Variants in RELN observed in about 807,000 individuals in gnomAD.
The protein encoded by RELN is reelin.
RELN carries 108 observed loss-of-function variants against 427.6 expected under a neutral mutation model. The ratio of observed to expected loss-of-function variants is 0.25; its 90% confidence interval spans 0.22 to 0.30. RELN has a LOEUF of 0.30. RELN is among the 10% of genes least tolerant of loss of function. The pLI is 1.00. For synonymous variants in RELN, 1,524 were observed against 1,513.4 expected, an observed-to-expected ratio of 1.01 and a Z score of -0.16; for missense variants, 3,715 against 4,302.8, an observed-to-expected ratio of 0.86 and a Z score of 3.82.
Position 103,483,682 on chromosome 7 carries a change from T to A in RELN, c.10152A>T (p.Gln3384His), listed in dbSNP as rs763193763. 1 of 1,614,072 alleles carries A rather than the reference T, an allele frequency of 6.2e-7. No individual in the cohort carries two copies. The highest frequency in any genetic ancestry group is 1.3e-5 in the African/African-American group (1 of 74,924). The change falls in exon 62 of 65, where the codon CAA (glutamine) becomes CAT (histidine). Residue 3384 changes from glutamine (Q) to histidine (H), a missense_variant. By Grantham distance (24) the Gln-to-His change is conservative (BLOSUM62 0). This residue lies in a region of RELN where 195 missense variants were observed against 281.3 expected (regional missense o/e 0.69). Transcript: ENST00000428762. The stretch of plus-strand genomic sequence containing the variant: ...GGACATTGTAAGACACTCTCTGAGC[T>A]TGTGTGAAGTCCTTTGGCTGGTGCT... ...IAQHQPKDFT[Q>H]AQRVSYNVPL... is the part of the protein sequence containing the mutation.
chr7:103,900,738 G>A (rs1220403951), intron 2 of RELN, among the ~76,000 whole-genome samples: 1 of 152,054 alleles, frequency 6.6e-6, no homozygotes, highest in African/African-American at 2.4e-5. Flanking sequence ...ACAAGCAATG[G>A]GGAAAATATT....
chr7:103,575,833 C>T, intron 28 of RELN, 128 bp from the exon 29 acceptor site: 1 of 1,015,772 alleles, frequency 9.8e-7, no homozygotes, highest in Non-Finnish European at 1.5e-6. Flanking sequence ...TGCTTGACTG[C>T]ACTTAACCTT....
intron 11 of RELN, among the ~76,000 whole-genome samples, chr7:103,665,458 A>G (rs541765188): frequency 6.6e-6 from 1 of 151,856 alleles, no homozygotes; most frequent in East Asian, 1.9e-4. Flanking sequence ...CTTCTTCACA[A>G]TTGTCTTGGC....
At chr7:103,796,435 T>C (rs1036646517) in intron 3 of RELN, among the ~76,000 whole-genome samples, 8 of 152,228 alleles carry the variant, frequency 5.3e-5, no homozygotes, top group African/African-American at 1.9e-4. Flanking sequence ...CAATTTTAAT[T>C]TGTGGTTTGG....
At chr7:103,551,361 A>C in intron 40 of RELN, 65 bp from the exon 41 acceptor site, 5 of 1,121,980 alleles carry the variant, frequency 4.5e-6, no homozygotes, top group Non-Finnish European at 5.3e-6. Flanking sequence ...ATGATTCACC[A>C]CTTCATTATT....
chr7:103,490,908 ATCGGG>A, intron 58 of RELN, 79 bp from the exon 59 acceptor site: 1 of 1,408,700 alleles, frequency 7.1e-7, no homozygotes, highest in East Asian at 2.3e-5. Flanking sequence ...ATGCTTTGTG[ATCGGG>A]TTAAATTAAA....
At chr7:103,905,759 T>C (rs1186694741) in intron 2 of RELN, among the ~76,000 whole-genome samples, 1 of 138,694 alleles carries the variant, frequency 7.2e-6, no homozygotes, top group Non-Finnish European at 1.6e-5. Flanking sequence ...TCGAAGAGAC[T>C]TAAAGGTTTT....
At chr7:103,987,566 C>T in intron 1 of RELN, among the ~76,000 whole-genome samples, 1 of 152,176 alleles carries the variant, frequency 6.6e-6, no homozygotes, top group East Asian at 1.9e-4. Context: ...AGACCAGCCT[C>T]ACTCACTTAC....
In RELN at chr7:103,746,053, T is replaced by C. The variant is rs1045416098; in HGVS notation, c.656+3373A>G. Among the ~76,000 whole-genome samples the C allele has an allele frequency of 1.4e-3, 215 of 152,206 alleles. 2 individuals are homozygous for C. Among genetic ancestry groups the C allele is most frequent in the African/African-American group, 4.9e-3 (205 of 41,492 alleles). On this transcript the variant is annotated intron_variant, in intron 6 of 64. Transcript: ENST00000428762. ...TACAGTAACCAAAACAGCATGGTAC[T>C]GGTACCAAAACAGAGATATAGACCA...
At chr7:103,919,450 T>TCCC (rs1795565004) in intron 1 of RELN, among the ~76,000 whole-genome samples, 1 of 152,106 alleles carries the variant, frequency 6.6e-6, no homozygotes, top group Non-Finnish European at 1.5e-5. Flanking sequence ...CTTCTCTCCA[T>TCCC]CCCCTTTCTT....
chr7:103,857,533 C>T (rs1396008145), intron 2 of RELN, among the ~76,000 whole-genome samples: 2 of 152,170 alleles, frequency 1.3e-5, no homozygotes, highest in African/African-American at 2.4e-5. Flanking sequence ...GATATGCACA[C>T]GTAAGGGCCT....
At chr7:103,865,050 G>A (rs1267694528) in intron 2 of RELN, among the ~76,000 whole-genome samples, 2 of 141,892 alleles carry the variant, frequency 1.4e-5, no homozygotes, top group East Asian at 2.2e-4. Context: ...AGAATTGTTT[G>A]TTGAACCTGG....
At chr7:103,561,235 C>A (rs1177450676) in intron 36 of RELN, among the ~76,000 whole-genome samples, 1 of 151,984 alleles carries the variant, frequency 6.6e-6, no homozygotes, top group Non-Finnish European at 1.5e-5. Context: ...AACATAAAAT[C>A]TTAGACTATG....
At chr7:103,617,529 CAT>C (rs1208105887) in intron 20 of RELN, among the ~76,000 whole-genome samples, 1 of 150,570 alleles carries the variant, frequency 6.6e-6, no homozygotes, top group African/African-American at 2.4e-5. Flanking sequence ...TATATATATG[CAT>C]ATATGTGTAT....
intron 36 of RELN, among the ~76,000 whole-genome samples, chr7:103,559,941 A>G (rs1158528158): frequency 6.6e-6 from 1 of 152,194 alleles, no homozygotes; most frequent in East Asian, 1.9e-4. Flanking sequence ...AGTTGTTCCC[A>G]TGGGTCAATA....
At chr7:103,830,619 T>C (rs564735661) in intron 3 of RELN, among the ~76,000 whole-genome samples, 2 of 152,090 alleles carry the variant, frequency 1.3e-5, no homozygotes, top group Non-Finnish European at 2.9e-5. Flanking sequence ...CTAACTCTTA[T>C]ATATAGCTCT....
intron 36 of RELN, 133 bp from the exon 37 acceptor site, chr7:103,558,182 T>A: frequency 1.6e-6 from 1 of 633,692 alleles, no homozygotes. Context: ...TTTTGCCTAG[T>A]TTAAAAGGAA....
Position 103,603,980 on chromosome 7 carries a change from T to C in RELN, c.3146+366A>G, listed in dbSNP as rs561277812. Among the ~76,000 whole-genome samples the C allele has an allele frequency of 2.6e-5, 4 of 152,276 alleles. No individual in the cohort carries two copies. The highest frequency in any genetic ancestry group is 4.8e-5 in the African/African-American group (2 of 41,570). ...GCAATAATCACCATCTCCCCATGTA[T>C]ACAACCTTGAACTTCTGGTGAAGTG... On this transcript the variant is annotated intron_variant, in intron 23 of 64. Coordinates refer to ENST00000428762, the MANE Select transcript of RELN (RefSeq NM_005045.4). This position sits in a 1 kb window ranked among gnomAD's most constrained non-coding sequence, Gnocchi z 4.3.
chr7:103,638,217 G>T (rs555709724), intron 17 of RELN, among the ~76,000 whole-genome samples: 1 of 152,082 alleles, frequency 6.6e-6, no homozygotes, highest in African/African-American at 2.4e-5. Flanking sequence ...TAAATTTAGC[G>T]GTATAGTCAC....
Sources: gnomAD v4.1 joint callset for allele counts (sites outside exome capture counted in the v4.1 genomes callset) on GRCh38, gnomAD v4.1.1 for gene constraint, gnomAD v4.1.1 regional missense constraint, Gnocchi (gnomAD v3.1) non-coding constraint, MANE v1.5 for transcripts, NCBI Gene and HGNC (gene_info 2026-07-23, HGNC 2026-07-21) for gene names.